Variants in POLR1C observed in about 807,000 individuals in gnomAD.
The protein encoded by POLR1C is RNA polymerase I and III subunit C.
A neutral mutation model predicts 38.3 loss-of-function variants in POLR1C; 42 were observed. That is an observed-to-expected ratio of 1.10 (90% confidence interval 0.86 to 1.42). The LOEUF (loss-of-function observed/expected upper bound fraction) is 1.42, where lower values mean the gene tolerates loss of function less well. Ranked by LOEUF, POLR1C falls within the 40% of genes most tolerant of loss-of-function variation. The pLI is 0.00. For synonymous variants in POLR1C, 163 were observed against 163.9 expected, an observed-to-expected ratio of 0.99 and a Z score of 0.04; for missense variants, 507 against 450.5, an observed-to-expected ratio of 1.13 and a Z score of -1.14.
chr6:43,533,958 G>A, downstream of POLR1C: 9 of 1,607,384 alleles, frequency 5.6e-6, no homozygotes, highest in Non-Finnish European at 7.7e-6. Context: ...TTGGTGAAAG[G>A]CTCTGCCATT....
chr6:43,521,924 AAAC>A (rs1160061188), downstream of POLR1C, among the ~76,000 whole-genome samples: 2 of 152,214 alleles, frequency 1.3e-5, no homozygotes, highest in Non-Finnish European at 2.9e-5. Context: ...CCTGTTTCAA[AAAC>A]AACAGAAAGA....
chr6:43,520,924 C>T lies in POLR1C; in HGVS notation c.806-8C>T, dbSNP rs758724481. 43 of 1,612,602 alleles carry T rather than the reference C, an allele frequency of 2.7e-5. No individual in the cohort carries two copies. The African/African-American group carries it at 4.5e-4, about 17-fold the overall frequency. On this transcript the variant is annotated splice_polypyrimidine_tract_variant and splice_region_variant and intron_variant, in intron 7 of 8. Coordinates refer to ENST00000642195, the MANE Select transcript of POLR1C (RefSeq NM_203290.4). ...AAGGAATAAAAAAACATGGTTTGTT[C>T]TCATTAGGTAAAAAGGTGGCCAGAG...
In POLR1C at chr6:43,520,728, G is replaced by A; in HGVS notation, c.759G>A (p.Leu253=). 1.2e-6 allele frequency: 2 copies of A among 1,614,138 alleles called. No homozygotes were observed. The highest frequency in any genetic ancestry group is 1.1e-5 in the South Asian group (1 of 91,076). ...TGGAAGGGGAGGCAGCTGAGGAGTTGAGCAGGTGCTTCTCACCTGGTGTTA... is the reference window on the plus strand; with the variant it reads ...TGGAAGGGGAGGCAGCTGAGGAGTTAAGCAGGTGCTTCTCACCTGGTGTTA... ...EPVEGEAAEE[L]SRCFSPGVIE... is the part of the protein sequence containing the mutation. Residue 253 remains leucine, a synonymous_variant, in exon 7 of 9, where the codon TTG becomes TTA. Transcript: ENST00000642195.
At chr6:43,541,356 G>A (rs1252328594) in intron 9 of POLR1C, among the ~76,000 whole-genome samples, 1 of 152,162 alleles carries the variant, frequency 6.6e-6, no homozygotes, top group Non-Finnish European at 1.5e-5. Context: ...GCATGCCTGT[G>A]TCAAAACATC....
At chr6:43,551,538 A>G (rs529641571) in intron 10 of POLR1C, 20 of 1,525,992 alleles carry the variant, frequency 1.3e-5, no homozygotes, top group Middle Eastern at 4.7e-4. Context: ...TTCATCTTTT[A>G]AAGAGACAGG....
intron 8 of POLR1C, chr6:43,528,699 G>T: frequency 1.2e-6 from 1 of 848,450 alleles, no homozygotes; most frequent in Non-Finnish European, 1.9e-6. Context: ...AGCTGGGGTA[G>T]AAGCTCTGCC....
At chr6:43,549,793 C>T in intron 9 of POLR1C, 1 of 1,327,874 alleles carries the variant, frequency 7.5e-7, no homozygotes. Context: ...ACCACCCTTA[C>T]TACCCCCTCC....
chr6:43,525,544 C>G, downstream of POLR1C: 1 of 515,610 alleles, frequency 1.9e-6, no homozygotes, highest in Non-Finnish European at 3.4e-6. Context: ...GTGAGAAAAC[C>G]TGTATGTGTA....
chr6:43,520,383 C>T lies in POLR1C; in HGVS notation c.611C>T (p.Pro204Leu), dbSNP rs755859153. The T allele has an allele frequency of 6.2e-7, 1 of 1,613,930 alleles. No homozygotes were observed. Among genetic ancestry groups the T allele is most frequent in the East Asian group, 2.2e-5 (1 of 44,880 alleles). ...GATATCCTCATCGCTCAGCTGCGGC[C>T]TGGCCAAGAAATTGACCTGCTCATG... ...HDDILIAQLR[P>L]GQEIDLLMHC... Residue 204 changes from proline (P) to leucine (L), a missense_variant, in exon 6 of 9, where the codon CCT becomes CTT. Physicochemically the swap from Pro to Leu is moderately conservative, Grantham distance 98. Coordinates refer to ENST00000642195, the MANE Select transcript of POLR1C (RefSeq NM_203290.4).
In POLR1C at chr6:43,519,710, C is replaced by T; in HGVS notation, c.254C>T (p.Pro85Leu). 6.2e-7 allele frequency: 1 copy of T among 1,614,114 alleles called. No individual in the cohort carries two copies. Among genetic ancestry groups the T allele is most frequent in the Non-Finnish European group, 8.5e-7 (1 of 1,180,018 alleles). ...AFRRILLAEV[P>L]TMAVEKVLVY... is the part of the protein sequence containing the mutation. ...TGGTTATTTTTCCTTGGGCAGGTGCCAACTATGGCTGTGGAGAAGGTCCTG... is the reference window on the plus strand; with the variant it reads ...TGGTTATTTTTCCTTGGGCAGGTGCTAACTATGGCTGTGGAGAAGGTCCTG... Residue 85 changes from proline (P) to leucine (L), a missense_variant, in exon 4 of 9, where the codon CCA becomes CTA. Coordinates refer to ENST00000642195, the MANE Select transcript of POLR1C (RefSeq NM_203290.4).
At chr6:43,544,081 G>A (rs1048995467) in intron 9 of POLR1C, 1 of 152,614 alleles carries the variant, frequency 6.6e-6, no homozygotes, top group African/African-American at 2.4e-5. Flanking sequence ...AATGCCTTTT[G>A]ATTGATTTTT....
chr6:43,523,617 C>G, downstream of POLR1C: 1 of 726,404 alleles, frequency 1.4e-6, no homozygotes, highest in Non-Finnish European at 2.5e-6. Flanking sequence ...AGCCAAATCT[C>G]CAAGTAGAAT....
At chr6:43,527,662 C>T in intron 8 of POLR1C, 1 of 1,614,012 alleles carries the variant, frequency 6.2e-7, no homozygotes, top group Non-Finnish European at 8.5e-7. Context: ...CTCGGGTTAA[C>T]ATCCTCACCA....
intron 9 of POLR1C, among the ~76,000 whole-genome samples, chr6:43,550,427 G>A (rs1182320979): frequency 6.6e-6 from 1 of 152,104 alleles, no homozygotes; most frequent in African/African-American, 2.4e-5. Flanking sequence ...AGTCCTACTG[G>A]TCTTGTGACA....
chr6:43,524,900 C>T (rs1793461942), downstream of POLR1C: 1 of 1,613,922 alleles, frequency 6.2e-7, no homozygotes, highest in South Asian at 1.1e-5. Context: ...GCCCGTGCAT[C>T]TGTAAGCCTT....
chr6:43,559,690 G>C (rs1430211470), intron 10 of POLR1C, among the ~76,000 whole-genome samples: 2 of 152,142 alleles, frequency 1.3e-5, no homozygotes, highest in Non-Finnish European at 1.5e-5. Context: ...GATATATTAA[G>C]TACTCTCATA....
intron 9 of POLR1C, chr6:43,549,398 A>T: frequency 7.9e-7 from 1 of 1,269,240 alleles, no homozygotes; most frequent in Non-Finnish European, 1.1e-6. Context: ...TATAGTTTCT[A>T]GTTTTTTCTT....
downstream of POLR1C, among the ~76,000 whole-genome samples, chr6:43,530,355 C>A (rs1214028155): frequency 2.0e-5 from 3 of 148,716 alleles, no homozygotes; most frequent in African/African-American, 5.0e-5. Flanking sequence ...ACCTGAGAGG[C>A]AGAAGCTGTG....
chr6:43,551,204 A>G, intron 10 of POLR1C: 2 of 1,312,472 alleles, frequency 1.5e-6, no homozygotes, highest in Non-Finnish European at 2.0e-6. Context: ...CAGCCTGGGC[A>G]ATGTAGCAAG....
Sources: allele counts gnomAD v4.1 joint callset (sites outside exome capture counted in the v4.1 genomes callset), GRCh38; gene constraint gnomAD v4.1.1; transcripts MANE v1.5; gene names NCBI Gene and HGNC (gene_info 2026-07-23, HGNC 2026-07-21).